KCND2: variants seen among roughly 807,000 people sequenced by gnomAD.
KCND2 encodes the protein potassium voltage-gated channel subfamily D member 2, also known as A-type voltage-gated potassium channel KCND2.
KCND2 carries 16 observed loss-of-function variants against 54.4 expected under a neutral mutation model. The ratio of observed to expected loss-of-function variants is 0.29; its 90% confidence interval spans 0.20 to 0.45. The LOEUF is 0.45. Among genes scored for constraint, KCND2 ranks in the 20% least tolerant of loss-of-function variants. The pLI, the probability that KCND2 is intolerant of heterozygous loss-of-function variation, is 1.00. For synonymous variants in KCND2, 317 were observed against 310.7 expected (o/e 1.02, Z -0.21); for missense variants, 486 against 824.2 (o/e 0.59, Z 5.02).
intron 1 of KCND2, among the ~76,000 whole-genome samples, chr7:120,378,432 G>GT (rs776057903): frequency 1.9e-4 from 29 of 151,752 alleles, no homozygotes; most frequent in Non-Finnish European, 3.5e-4. Flanking sequence ...TCAGGTGGAA[G>GT]TTTTTTTTCC....
At chr7:120,687,256 G>A (rs879636568) in intron 1 of KCND2, among the ~76,000 whole-genome samples, 3 of 152,134 alleles carry the variant, frequency 2.0e-5, no homozygotes, top group African/African-American at 4.8e-5. Flanking sequence ...TTAGTGTCCA[G>A]TGGTTGCTGG....
At chr7:120,465,174 T>A (rs1202092417) in intron 1 of KCND2, among the ~76,000 whole-genome samples, 1 of 152,064 alleles carries the variant, frequency 6.6e-6, no homozygotes, top group African/African-American at 2.4e-5. Context: ...CATGGAAATT[T>A]ATGTCATATT....
At chr7:120,726,621 C>T (rs568434948) in intron 1 of KCND2, among the ~76,000 whole-genome samples, 122 of 152,294 alleles carry the variant, frequency 8.0e-4, no homozygotes, top group African/African-American at 2.8e-3. Context: ...ACGGCTTTCA[C>T]CGGGGCATTA....
intron 1 of KCND2, among the ~76,000 whole-genome samples, chr7:120,622,303 A>C (rs960802564): frequency 2.6e-5 from 4 of 152,186 alleles, no homozygotes; most frequent in Non-Finnish European, 4.4e-5. Context: ...CAAAGTTCAG[A>C]GATGCATGAA....
intron 1 of KCND2, among the ~76,000 whole-genome samples, chr7:120,579,676 T>G: frequency 6.6e-6 from 1 of 151,154 alleles, no homozygotes; most frequent in South Asian, 2.1e-4. Context: ...TAAATTGTCC[T>G]TTAAAATCTC....
intron 1 of KCND2, among the ~76,000 whole-genome samples, chr7:120,641,980 G>C (rs1793382574): frequency 1.3e-5 from 2 of 152,122 alleles, no homozygotes; most frequent in South Asian, 4.2e-4. Context: ...TCTTATGGTT[G>C]TTAGGATTTT....
intron 1 of KCND2, among the ~76,000 whole-genome samples, chr7:120,559,721 G>A (rs1304305975): frequency 6.6e-6 from 1 of 152,182 alleles, no homozygotes; most frequent in Admixed American, 6.5e-5. Flanking sequence ...GCACAGGGCA[G>A]ATTCCAGTCT....
intron 1 of KCND2, among the ~76,000 whole-genome samples, chr7:120,319,209 G>T (rs780957033): frequency 3.8e-4 from 58 of 151,832 alleles, no homozygotes; most frequent in Non-Finnish European, 6.6e-4. Flanking sequence ...TTGCTATTTG[G>T]TTTTTTTCTT....
chr7:120,290,739 A>G lies in KCND2; in HGVS notation c.1115+14992A>G, dbSNP rs534471571. Among the ~76,000 whole-genome samples the G allele has an allele frequency of 3.3e-5, 5 of 152,096 alleles. No homozygotes were observed. In the South Asian group the frequency reaches 8.3e-4, roughly 25 times the overall value. ...GAGCTACACATATATGGAAATATAT[A>G]TATATGCTTTTTTTTCTTGCATGCC... On this transcript the variant is annotated intron_variant, in intron 1 of 5. Coordinates refer to ENST00000331113, the MANE Select transcript of KCND2 (RefSeq NM_012281.3).
In KCND2 at chr7:120,740,495, A is replaced by G. The variant is rs557200873; in HGVS notation, c.1279-1039A>G. On this transcript the variant is annotated intron_variant, in intron 2 of 5. Transcript: ENST00000331113. ...TGTTTTACATACACTTGCTAGCTACATGTAATACAAATAGAATGGTCACCA... is the reference window on the plus strand; with the variant it reads ...TGTTTTACATACACTTGCTAGCTACGTGTAATACAAATAGAATGGTCACCA... Among the ~76,000 whole-genome samples, 4 of 152,226 alleles carry G rather than the reference A, an allele frequency of 2.6e-5. No homozygotes were observed. The South Asian group carries it at 6.2e-4, about 24-fold the overall frequency.
At chr7:120,538,245 T>C (rs1003538911) in intron 1 of KCND2, among the ~76,000 whole-genome samples, 6 of 152,184 alleles carry the variant, frequency 3.9e-5, no homozygotes, top group Non-Finnish European at 7.3e-5. Flanking sequence ...AATATACACA[T>C]TTATTAAGTT....
intron 1 of KCND2, among the ~76,000 whole-genome samples, chr7:120,530,812 C>T (rs893081859): frequency 9.9e-5 from 15 of 152,176 alleles, no homozygotes; most frequent in African/African-American, 3.1e-4. Context: ...ACCTGCAATT[C>T]GTTGACACTA....
At chr7:120,426,802 T>A (rs1011009812) in intron 1 of KCND2, among the ~76,000 whole-genome samples, 3 of 152,058 alleles carry the variant, frequency 2.0e-5, no homozygotes, top group African/African-American at 7.2e-5. Context: ...TTTGAATTTT[T>A]AGTAGAGACG....
intron 2 of KCND2, chr7:120,740,944 G>A (rs995098736): frequency 2.2e-6 from 1 of 452,374 alleles, no homozygotes; most frequent in Non-Finnish European, 4.4e-6. Context: ...TAGAGAGAGA[G>A]TCCATGTTGT....
rs768934661 is a variant in KCND2 at position 120,697,065 on chromosome 7, C to T, written c.1116-35838C>T. ...CTTTTGAATCTCTGAGTCAGTAAAA[C>T]GGTCATCATTTTTCTCCCAGGAAGA... On this transcript the variant is annotated intron_variant, in intron 1 of 5. Transcript: ENST00000331113. Among the ~76,000 whole-genome samples the T allele has an allele frequency of 7.9e-5, 12 of 152,206 alleles. No homozygotes were observed. The South Asian group carries it at 1.9e-3, about 24-fold the overall frequency.
At chr7:120,356,276 AT>A (rs11323659) in intron 1 of KCND2, among the ~76,000 whole-genome samples, 100,488 of 151,902 alleles carry the variant, frequency 0.66, 38,058 homozygotes, top group South Asian at 0.9. Context: ...TAATTACAAC[AT>A]TTTTTACAAA....
chr7:120,344,196 C>T (rs1416314717), intron 1 of KCND2, among the ~76,000 whole-genome samples: 1 of 151,966 alleles, frequency 6.6e-6, no homozygotes, highest in Non-Finnish European at 1.5e-5. Context: ...CTTATTTTAG[C>T]CACAGTTTAA....
chr7:120,397,080 T>C (rs1470973965), intron 1 of KCND2, among the ~76,000 whole-genome samples: 1 of 152,018 alleles, frequency 6.6e-6, no homozygotes, highest in African/African-American at 2.4e-5. Context: ...AGGCCCTATA[T>C]CTATGAACAG....
intron 1 of KCND2, among the ~76,000 whole-genome samples, chr7:120,439,794 A>G (rs1014324895): frequency 3.9e-5 from 6 of 152,028 alleles, no homozygotes; most frequent in Non-Finnish European, 8.8e-5. Flanking sequence ...TGCATAATAT[A>G]CTGTCTTGCA....
Sources: allele counts gnomAD v4.1 joint callset (sites outside exome capture counted in the v4.1 genomes callset), GRCh38; gene constraint gnomAD v4.1.1; transcripts MANE v1.5; gene names NCBI Gene and HGNC (gene_info 2026-07-23, HGNC 2026-07-21).